The following PRKCQ variants were observed in gnomAD, a reference collection of about 807,000 sequenced individuals.
PRKCQ encodes protein kinase C theta, also known as protein kinase C theta type.
Under a neutral mutation model 91.2 loss-of-function variants are expected in PRKCQ, and 41 were observed. The observed-to-expected ratio is 0.45, with a 90% CI of 0.35 to 0.58. The LOEUF is 0.58. Ranked by LOEUF, PRKCQ falls within the 20% of genes least tolerant of loss-of-function variation. PRKCQ has a pLI of 0.00. For synonymous variants in PRKCQ, 307 were observed against 316.9 expected (o/e 0.97, Z 0.33); for missense variants, 673 against 896.5 (o/e 0.75, Z 3.18).
At chr10:6,549,101 C>T (rs111880815) in intron 1 of PRKCQ, among the ~76,000 whole-genome samples, 278 of 152,140 alleles carry the variant, frequency 1.8e-3, no homozygotes, top group African/African-American at 6.2e-3. Context: ...CTAATGGGAG[C>T]GATGGAACAG....
chr10:6,558,461 C>T (rs1383459626), intron 1 of PRKCQ, among the ~76,000 whole-genome samples: 3 of 152,058 alleles, frequency 2.0e-5, no homozygotes, highest in South Asian at 4.1e-4. Context: ...AAAACCACAG[C>T]GTTAGCTTGA....
intron 16 of PRKCQ, among the ~76,000 whole-genome samples, chr10:6,431,640 G>C (rs1417364053): frequency 6.6e-6 from 1 of 152,204 alleles, no homozygotes; most frequent in Non-Finnish European, 1.5e-5. Context: ...TTTGTCATTT[G>C]ATCAATTATC....
chr10:6,547,414 C>G (rs1840003145), intron 1 of PRKCQ, among the ~76,000 whole-genome samples: 1 of 151,626 alleles, frequency 6.6e-6, no homozygotes, highest in Admixed American at 6.6e-5. Flanking sequence ...AAAAAGAGCC[C>G]GCATCGCCAA....
At chr10:6,570,704 G>A (rs1435933873) in intron 1 of PRKCQ, among the ~76,000 whole-genome samples, 3 of 151,980 alleles carry the variant, frequency 2.0e-5, no homozygotes, top group African/African-American at 7.2e-5. Context: ...ACAGGTATGC[G>A]CCAGCACGCC....
At chr10:6,425,477 C>T (rs995201350), downstream of PRKCQ, among the ~76,000 whole-genome samples, 1 of 152,056 alleles carries the variant, frequency 6.6e-6, no homozygotes, top group Non-Finnish European at 1.5e-5. Context: ...CTGCCTGGGT[C>T]TCCCAAAGTG....
At chr10:6,510,903 A>G in intron 3 of PRKCQ, 92 bp downstream of exon 3, 1 of 1,496,148 alleles carries the variant, frequency 6.7e-7, no homozygotes. Flanking sequence ...GGCCAGTGTA[A>G]TCACACCCTC....
the PRKCQ span, among the ~76,000 whole-genome samples, chr10:6,406,355 C>T: frequency 2.0e-5 from 3 of 150,456 alleles, no homozygotes; most frequent in Non-Finnish European, 4.4e-5. Flanking sequence ...GAAAAATTTG[C>T]ACAATGGGGC....
chr10:6,472,295 G>A (rs560541287), intron 12 of PRKCQ, among the ~76,000 whole-genome samples: 4 of 152,234 alleles, frequency 2.6e-5, no homozygotes, highest in Non-Finnish European at 4.4e-5. Context: ...GCGACAGAGC[G>A]AGACTCCATC....
intron 1 of PRKCQ, among the ~76,000 whole-genome samples, chr10:6,538,676 T>C (rs1353313986): frequency 1.3e-5 from 2 of 152,272 alleles, no homozygotes; most frequent in East Asian, 1.9e-4. Flanking sequence ...CAGCTGGTCA[T>C]GGACTCTGGA....
upstream of PRKCQ, chr10:6,580,463 CGGTCCCGCGCCCAG>C (rs1564405787): frequency 6.6e-6 from 1 of 152,052 alleles, no homozygotes; most frequent in East Asian, 2.0e-4. Flanking sequence ...CGTGCGCCCC[CGGTCCCGCGCCCAG>C]GCTCCCGCCC....
Position 6,441,982 on chromosome 10 carries a change from C to G in PRKCQ, c.1747G>C (p.Asp583His). The G allele has an allele frequency of 6.2e-7, 1 of 1,614,144 alleles. No homozygotes were observed. ...ATGGAGTGGAAGAGCTCCTCCTCAT[C>G]CTGCCCGTGGAAAGGCGACTGACCA... is the stretch of plus-strand genomic sequence containing the variant. The part of the protein sequence containing the change: ...LIGQSPFHGQ[D>H]EEELFHSIRM... The change falls in exon 16 of 18, where the codon GAT becomes CAT. Residue 583 changes from aspartate (D) to histidine (H), a missense_variant. Transcript: ENST00000263125.
chr10:6,431,410 G>C (rs1251549840), intron 16 of PRKCQ, among the ~76,000 whole-genome samples: 15 of 152,094 alleles, frequency 9.9e-5, no homozygotes, highest in Non-Finnish European at 5.9e-5. Flanking sequence ...ATAAATGTGA[G>C]CACGTGCAGA....
At chr10:6,414,584 T>C in the PRKCQ span, among the ~76,000 whole-genome samples, 1 of 152,138 alleles carries the variant, frequency 6.6e-6, no homozygotes, top group Admixed American at 6.5e-5. Context: ...GCTAGAAGTA[T>C]TGAACACATT....
chr10:6,448,678 A>G (rs1489248809), intron 15 of PRKCQ, among the ~76,000 whole-genome samples: 3 of 152,188 alleles, frequency 2.0e-5, no homozygotes, highest in East Asian at 3.9e-4. Context: ...AAGTGCTGGG[A>G]TTACAGGTGT....
At position 6,538,505 on chromosome 10, in the gene PRKCQ, A is replaced by G. The variant is rs377075891; in HGVS notation, c.-9-23361T>C. On this transcript the variant is annotated intron_variant, in intron 1 of 17. Coordinates refer to ENST00000263125, the MANE Select transcript of PRKCQ (RefSeq NM_006257.5). ...ATAGGCATGGCTCAGTTTGAAGGACATGGGGAAAAGCTTTTTCAAACCAAG... is the reference window on the plus strand; with the variant it reads ...ATAGGCATGGCTCAGTTTGAAGGACGTGGGGAAAAGCTTTTTCAAACCAAG... Among the ~76,000 whole-genome samples, 5 of 152,378 alleles carry G rather than the reference A, an allele frequency of 3.3e-5. No homozygotes were observed. In the South Asian group the frequency reaches 6.2e-4, roughly 19 times the overall value.
At chr10:6,441,112 G>C (rs1833949037) in intron 16 of PRKCQ, among the ~76,000 whole-genome samples, 1 of 152,244 alleles carries the variant, frequency 6.6e-6, no homozygotes, top group African/African-American at 2.4e-5. Context: ...AGGCCAAAAA[G>C]TCATACATCC....
intron 7 of PRKCQ, among the ~76,000 whole-genome samples, chr10:6,493,660 T>C (rs1414311352): frequency 6.6e-6 from 1 of 152,190 alleles, no homozygotes; most frequent in East Asian, 1.9e-4. Context: ...CGTTTTTTTC[T>C]AGAAAAGCTG....
chr10:6,526,953 G>A (rs550243253), intron 1 of PRKCQ, among the ~76,000 whole-genome samples: 87 of 152,260 alleles, frequency 5.7e-4, no homozygotes, highest in Non-Finnish European at 1.1e-3. Context: ...CCCTGGCAGC[G>A]TGCAGGGATT....
At chr10:6,449,878 A>G (rs1172831389) in intron 15 of PRKCQ, among the ~76,000 whole-genome samples, 1 of 152,226 alleles carries the variant, frequency 6.6e-6, no homozygotes, top group African/African-American at 2.4e-5. Context: ...CAGACAAGAA[A>G]ATGCTGAGGG....
Sources: allele counts gnomAD v4.1 joint callset (sites outside exome capture counted in the v4.1 genomes callset), GRCh38; gene constraint gnomAD v4.1.1; transcripts MANE v1.5; gene names NCBI Gene and HGNC (gene_info 2026-07-23, HGNC 2026-07-21).